Variants in CASP10 observed in about 807,000 individuals in gnomAD.
CASP10 encodes caspase 10.
A neutral mutation model predicts 48.5 loss-of-function variants in CASP10; 41 were observed. The observed-to-expected ratio is 0.85, with a 90% CI of 0.66 to 1.10. The LOEUF (loss-of-function observed/expected upper bound fraction) is 1.10. CASP10 is among the 50% of genes least tolerant of loss of function. CASP10 has a pLI of 0.00. For missense variants in CASP10, 614 were observed against 614.5 expected, an observed-to-expected ratio of 1.00 and a Z score of 0.01; for synonymous variants, 232 against 238.4, an observed-to-expected ratio of 0.97 and a Z score of 0.25.
rs1014775414 is a variant in CASP10 at position 201,208,277 on chromosome 2, A to G, written c.922+94A>G. 67 of 1,490,444 alleles carry G rather than the reference A, an allele frequency of 4.5e-5. 1 individual carries two copies. The African/African-American group carries it at 6.5e-4, about 14-fold the overall frequency. The allele number at this position is 1,490,444 out of a possible 1,614,324, so 92.3% of individuals were successfully genotyped here. ...TTTCTTTCTGTGACTTTTATCTTCC[A>G]TATACGTGTAAGGATGATATCATGT... On this transcript the variant is annotated intron_variant, in intron 8 of 9. Transcript: ENST00000286186.
intron 5 of CASP10, chr2:201,200,714 A>C: frequency 1.6e-6 from 2 of 1,281,344 alleles, no homozygotes; most frequent in South Asian, 6.0e-5. Context: ...TAATTAAAAG[A>C]AATGGTAACA....
chr2:201,194,294 G>C (rs935872142), intron 4 of CASP10, among the ~76,000 whole-genome samples: 6 of 152,140 alleles, frequency 3.9e-5, no homozygotes, highest in Non-Finnish European at 5.9e-5. Flanking sequence ...ACTCATGAGT[G>C]TATTCATGAA....
chr2:201,210,713 G>A (rs1345349323), intron 9 of CASP10, among the ~76,000 whole-genome samples: 1 of 152,174 alleles, frequency 6.6e-6, no homozygotes, highest in Non-Finnish European at 1.5e-5. Flanking sequence ...TATTGAGAGC[G>A]TACTATGTGC....
chr2:201,217,285 G>A (rs1432801592), intron 9 of CASP10, among the ~76,000 whole-genome samples: 2 of 152,152 alleles, frequency 1.3e-5, no homozygotes, highest in South Asian at 2.1e-4. Context: ...TCTTCTCTGG[G>A]CCAGGCACAG....
chr2:201,193,331 C>T (rs548700616), intron 4 of CASP10: 189 of 430,904 alleles, frequency 4.4e-4, no homozygotes, highest in South Asian at 1.2e-3. Context: ...CCTCAACCTC[C>T]CGAGTAGCTG....
chr2:201,200,569 C>T, intron 5 of CASP10: 1 of 1,588,314 alleles, frequency 6.3e-7, no homozygotes, highest in Non-Finnish European at 8.5e-7. Flanking sequence ...CAGGACATGA[C>T]ACAGAGCCGG....
rs536711035 is a variant in CASP10 at position 201,221,161 on chromosome 2, C to T, written c.*3420C>T. 603 of 985,342 alleles carry T rather than the reference C, an allele frequency of 6.1e-4. No homozygotes were observed. The highest frequency in any genetic ancestry group is 6.7e-4 in the Non-Finnish European group (558 of 829,908). The allele number at this position is 985,342 out of a possible 1,614,324, so 61.0% of individuals were successfully genotyped here. ...GCGTAATTCCAGCTGACTTTATTAG[C>T]GGCAACTCAGCACTAGCATTACCCC... is the stretch of plus-strand genomic sequence containing the variant. On this transcript the variant is annotated 3_prime_UTR_variant, in exon 10 of 10. Coordinates refer to ENST00000286186, the MANE Select transcript of CASP10 (RefSeq NM_032977.4).
At position 201,195,879 on chromosome 2, in the gene CASP10, C is replaced by A. The variant is rs373077581; in HGVS notation, c.615C>A (p.Ala205=). The change falls in exon 5 of 10, where the codon GCC becomes GCA. Residue 205 remains alanine, a synonymous_variant. Transcript: ENST00000286186. ...QIVTPPVDKE[A]ESYQGEEELV... ...TGACACCTCCTGTAGACAAGGAAGC[C>A]GAGTCGTATCAAGGAGAGGAAGAAC... The A allele has an allele frequency of 1.2e-6, 2 of 1,613,782 alleles. No homozygotes were observed. The highest frequency in any genetic ancestry group is 4.5e-5 in the East Asian group (2 of 44,876).
intron 4 of CASP10, among the ~76,000 whole-genome samples, chr2:201,194,018 C>T (rs1465808812): frequency 6.6e-6 from 1 of 152,130 alleles, no homozygotes; most frequent in Non-Finnish European, 1.5e-5. Flanking sequence ...TATTATGGCT[C>T]TCTCAGAGAG....
In CASP10 at chr2:201,219,705, CTTTTTT is replaced by C. The variant is rs111572089; in HGVS notation, c.*1977_*1982del. 2.3e-6 allele frequency: 2 copies of C among 861,988 alleles called. No individual in the cohort carries two copies. Among genetic ancestry groups the C allele is most frequent in the South Asian group, 5.4e-5 (1 of 18,604 alleles). The allele number at this position is 861,988 out of a possible 1,614,324, so 53.4% of individuals were successfully genotyped here. On this transcript the variant is annotated 3_prime_UTR_variant, in exon 10 of 10. Coordinates refer to ENST00000286186, the MANE Select transcript of CASP10 (RefSeq NM_032977.4). Reference sequence around the variant, plus strand: ...TTTTGAGCATTTTTACGTACTTGAGCTTTTTTTTTTTTTTTTTTCAATTTCTAGAGG... The same window carrying C: ...TTTTGAGCATTTTTACGTACTTGAGCTTTTTTTTTTTTCAATTTCTAGAGG...
Position 201,219,827 on chromosome 2 carries a change from T to C in CASP10, c.*2086T>C, listed in dbSNP as rs1945677512. ...ATCCAAAGTCCTGTGGTTAACGCCT[T>C]CATTTATAGATGAGGCAGCTGAGGC... On this transcript the variant is annotated 3_prime_UTR_variant, in exon 10 of 10. Coordinates refer to ENST00000286186, the MANE Select transcript of CASP10 (RefSeq NM_032977.4). 1.0e-6 allele frequency: 1 copy of C among 984,870 alleles called. No individual in the cohort carries two copies. Among genetic ancestry groups the C allele is most frequent in the African/African-American group, 1.7e-5 (1 of 57,154 alleles). 61.0% of individuals were successfully genotyped at this position (984,870 alleles called of 1,614,324 possible).
Position 201,217,763 on chromosome 2 carries a change from T to C in CASP10, c.*22T>C. 1 of 1,613,728 alleles carries C rather than the reference T, an allele frequency of 6.2e-7. No individual in the cohort carries two copies. Among genetic ancestry groups the C allele is most frequent in the Non-Finnish European group, 8.5e-7 (1 of 1,179,714 alleles). On this transcript the variant is annotated 3_prime_UTR_variant, in exon 10 of 10. Coordinates refer to ENST00000286186, the MANE Select transcript of CASP10 (RefSeq NM_032977.4). The stretch of plus-strand genomic sequence containing the variant: ...ATAGCAGAGAGTTTTTGTTGGTTCT[T>C]AGACCTCAAACGAATCATTGGCTAT...
chr2:201,214,929 T>C (rs1325360683), intron 9 of CASP10: 1 of 152,166 alleles, frequency 6.6e-6, no homozygotes, highest in Non-Finnish European at 1.5e-5. Context: ...GCTAATATGA[T>C]ACTTATGTAA....
chr2:201,223,246 T>A (rs1217574052), downstream of CASP10, among the ~76,000 whole-genome samples: 1 of 152,106 alleles, frequency 6.6e-6, no homozygotes, highest in Non-Finnish European at 1.5e-5. Flanking sequence ...GTGCCAGTGG[T>A]TAATCTGTTT....
chr2:201,206,938 A>G (rs571201505), intron 7 of CASP10, among the ~76,000 whole-genome samples: 2 of 152,312 alleles, frequency 1.3e-5, no homozygotes, highest in East Asian at 1.9e-4. Flanking sequence ...TGGGTTTGAC[A>G]ATATTAAAAT....
At chr2:201,213,374 A>G (rs1945465471) in intron 9 of CASP10, 1 of 152,230 alleles carries the variant, frequency 6.6e-6, no homozygotes, top group Admixed American at 6.5e-5. Flanking sequence ...TTTCTCGTGT[A>G]AAGGAAGGTT....
chr2:201,204,536 C>T (rs890875062), intron 6 of CASP10, among the ~76,000 whole-genome samples: 5 of 152,242 alleles, frequency 3.3e-5, no homozygotes, highest in Admixed American at 2.0e-4. Context: ...ATCATTTATT[C>T]CTCCATTCAC....
chr2:201,202,367 C>T (rs1945050048), intron 5 of CASP10, among the ~76,000 whole-genome samples: 2 of 152,172 alleles, frequency 1.3e-5, no homozygotes, highest in African/African-American at 2.4e-5. Context: ...GAGGTGTCAA[C>T]AGAGGATGCA....
At chr2:201,192,871 G>A (rs1944658533) in intron 3 of CASP10, 113 bp from the exon 4 acceptor site, 1 of 1,089,752 alleles carries the variant, frequency 9.2e-7, no homozygotes, top group African/African-American at 1.6e-5. Flanking sequence ...GGCAGATGCT[G>A]TTATATCTTA....
Sources: gnomAD v4.1 joint callset for allele counts (sites outside exome capture counted in the v4.1 genomes callset) on GRCh38, gnomAD v4.1.1 for gene constraint, MANE v1.5 for transcripts, NCBI Gene and HGNC (gene_info 2026-07-23, HGNC 2026-07-21) for gene names.